The following SND1 variants were observed in gnomAD, a reference collection of about 807,000 sequenced individuals.
SND1 encodes the protein staphylococcal nuclease domain-containing protein 1.
In SND1, 38 loss-of-function variants were observed where a neutral mutation model predicts 121.7. The observed-to-expected ratio is 0.31, with a 90% CI of 0.24 to 0.41. SND1 has a LOEUF of 0.41. SND1 is among the 10% of genes least tolerant of loss of function. The pLI is 1.00. For synonymous variants in SND1, 401 were observed against 447.4 expected (o/e 0.90, Z 1.31); for missense variants, 868 against 1,184.6 (o/e 0.73, Z 3.92).
intron 16 of SND1, among the ~76,000 whole-genome samples, chr7:127,993,781 C>G (rs950549919): frequency 2.6e-5 from 4 of 152,208 alleles, no homozygotes; most frequent in African/African-American, 9.7e-5. Context: ...TACCATAAAT[C>G]TGCATTATCC....
intron 16 of SND1, among the ~76,000 whole-genome samples, chr7:128,067,919 C>G (rs937448804): frequency 6.6e-6 from 1 of 151,932 alleles, no homozygotes; most frequent in African/African-American, 2.4e-5. Context: ...TTTCTCTAGT[C>G]TCCATTTCTT....
chr7:128,035,840 G>T (rs1035145405), intron 16 of SND1, among the ~76,000 whole-genome samples: 1 of 152,118 alleles, frequency 6.6e-6, no homozygotes, highest in African/African-American at 2.4e-5. Context: ...CAGGATAATT[G>T]GGTTCCTTAG....
At chr7:127,712,692 C>T (rs543177745) in intron 9 of SND1, among the ~76,000 whole-genome samples, 2 of 152,330 alleles carry the variant, frequency 1.3e-5, no homozygotes, top group South Asian at 4.1e-4. Flanking sequence ...CATCCATCTG[C>T]TTTCCAGCTT....
Position 128,029,282 on chromosome 7 carries a change from G to T in SND1, c.1779+38226G>T. The stretch of plus-strand genomic sequence containing the variant: ...TGGTCTCCACTGTTACTGTGGTGAA[G>T]AAGCTGTAGTTGGAGGTGTTAAGCT... On this transcript the variant is annotated intron_variant, in intron 16 of 23. Transcript: ENST00000354725. This position sits in a 1 kb window ranked among gnomAD's most constrained non-coding sequence, Gnocchi z 4.2. The T allele has an allele frequency of 6.2e-7, 1 of 1,614,214 alleles. No homozygotes were observed. Among genetic ancestry groups the T allele is most frequent in the Non-Finnish European group, 8.5e-7 (1 of 1,180,050 alleles).
chr7:127,794,891 C>T (rs1312086650), intron 10 of SND1, among the ~76,000 whole-genome samples: 2 of 152,224 alleles, frequency 1.3e-5, no homozygotes, highest in Non-Finnish European at 2.9e-5. Context: ...AAAGTAGTGC[C>T]AGAAGGGCAT....
At position 128,092,208 on chromosome 7, in the gene SND1, G is replaced by A. The variant is rs1016159981; in HGVS notation, c.*150G>A. On this transcript the variant is annotated 3_prime_UTR_variant, in exon 24 of 24. Coordinates refer to ENST00000354725, the MANE Select transcript of SND1 (RefSeq NM_014390.4). The surrounding 1 kb of genome is among the most constrained non-coding windows in gnomAD (Gnocchi z 4.9). ...TGGAAATGTCTCGTGGGGTGGCATC[G>A]GGGCTGCGGGGTGGGGACCCCAAGG... is the stretch of plus-strand genomic sequence containing the variant. 7 of 808,570 alleles carry A rather than the reference G, an allele frequency of 8.7e-6. No homozygotes were observed. Among genetic ancestry groups the A allele is most frequent in the East Asian group, 5.3e-5 (2 of 37,540 alleles). The allele number at this position is 808,570 out of a possible 1,614,324, so 50.1% of individuals were successfully genotyped here.
rs779220705 is a variant in SND1, at chr7:127,807,476, A to G, written c.1153-8A>G. On this transcript the variant is annotated splice_region_variant and splice_polypyrimidine_tract_variant and intron_variant, in intron 10 of 23. Coordinates refer to ENST00000354725, the MANE Select transcript of SND1 (RefSeq NM_014390.4). ...CATTCCTGATGTCATGTTTTATTTT[A>G]CTTTTAGGATAAGAACAAGAAACTG... The G allele has an allele frequency of 1.6e-5, 25 of 1,606,574 alleles. No individual in the cohort carries two copies. The highest frequency in any genetic ancestry group is 3.3e-5 in the Admixed American group (2 of 59,954).
chr7:128,039,488 A>AT (rs910855495), intron 16 of SND1, among the ~76,000 whole-genome samples: 2,371 of 148,612 alleles, frequency 0.016, 57 homozygotes, highest in African/African-American at 0.051. Context: ...TACTAGCCTG[A>AT]TTTTTTTTTT....
At chr7:127,669,760 T>C (rs1224606842) in intron 1 of SND1, among the ~76,000 whole-genome samples, 1 of 152,186 alleles carries the variant, frequency 6.6e-6, no homozygotes, top group Non-Finnish European at 1.5e-5. Flanking sequence ...CTAAAAATAT[T>C]ACCCTGTTAC....
intron 16 of SND1, chr7:127,997,525 C>T (rs549375733): frequency 2.9e-6 from 1 of 340,738 alleles, no homozygotes; most frequent in Admixed American, 4.0e-5. Context: ...TTTTTGTGGG[C>T]CTTACTTTTC....
At position 128,074,659 on chromosome 7, in the gene SND1, C is replaced by T. The variant is rs1415737139; in HGVS notation, c.1937C>T (p.Ala646Val). Residue 646 changes from alanine to valine, a missense_variant, in exon 17 of 24, where the codon GCC becomes GTC. Transcript: ENST00000354725. ...RSSYYKSLLS[A>V]EEAAKQKKEK... ...TCCTACTACAAGTCCCTGCTGTCTGCCGAGGAGGCCGCAAAGCAGAAGAAA... is the reference window on the plus strand; with the variant it reads ...TCCTACTACAAGTCCCTGCTGTCTGTCGAGGAGGCCGCAAAGCAGAAGAAA... 6.2e-7 allele frequency: 1 copy of T among 1,613,140 alleles called. No individual in the cohort carries two copies. The highest frequency in any genetic ancestry group is 8.5e-7 in the Non-Finnish European group (1 of 1,179,708).
intron 12 of SND1, among the ~76,000 whole-genome samples, chr7:127,887,409 A>G (rs1318172176): frequency 2.6e-5 from 4 of 152,178 alleles, no homozygotes; most frequent in Non-Finnish European, 1.5e-5. Flanking sequence ...AGTTCTTATA[A>G]GAGAAACACT....
chr7:128,019,221 C>T (rs1803294499), intron 16 of SND1, among the ~76,000 whole-genome samples: 1 of 152,190 alleles, frequency 6.6e-6, no homozygotes. Context: ...ATTGCTAACC[C>T]GTAACCTCTC....
intron 12 of SND1, among the ~76,000 whole-genome samples, chr7:127,855,047 A>G (rs923647453): frequency 6.6e-6 from 1 of 151,300 alleles, no homozygotes; most frequent in Non-Finnish European, 1.5e-5. Flanking sequence ...TAAAATTTAG[A>G]AGCAGAAAAA....
At chr7:127,994,318 CACT>C (rs1802587751) in intron 16 of SND1, among the ~76,000 whole-genome samples, 1 of 152,084 alleles carries the variant, frequency 6.6e-6, no homozygotes, top group Middle Eastern at 3.4e-3. Context: ...TCTTTTACAC[CACT>C]GTTTTACATG....
chr7:127,791,313 T>A (rs1249239790), intron 10 of SND1, among the ~76,000 whole-genome samples: 1 of 151,898 alleles, frequency 6.6e-6, no homozygotes, highest in Non-Finnish European at 1.5e-5. Context: ...CACACCCAAC[T>A]AATTTCTGTT....
intron 15 of SND1, among the ~76,000 whole-genome samples, chr7:127,971,213 C>T (rs951606123): frequency 6.6e-6 from 1 of 152,080 alleles, no homozygotes; most frequent in Non-Finnish European, 1.5e-5. Flanking sequence ...GGGGTGGTCA[C>T]CAACCATTTT....
At chr7:127,757,698 A>G (rs1797222172) in intron 10 of SND1, among the ~76,000 whole-genome samples, 1 of 152,218 alleles carries the variant, frequency 6.6e-6, no homozygotes, top group Non-Finnish European at 1.5e-5. Flanking sequence ...TTCAGGTCTT[A>G]TAAAGATTTT....
chr7:128,091,346 GT>G (rs1241844050), intron 22 of SND1, among the ~76,000 whole-genome samples: 1 of 151,850 alleles, frequency 6.6e-6, no homozygotes, highest in Non-Finnish European at 1.5e-5. Flanking sequence ...AGCCTGCCAA[GT>G]ACTGAGACTA....
Sources: gnomAD v4.1 joint callset for allele counts (sites outside exome capture counted in the v4.1 genomes callset) on GRCh38, gnomAD v4.1.1 for gene constraint, Gnocchi (gnomAD v3.1) non-coding constraint, MANE v1.5 for transcripts, NCBI Gene and HGNC (gene_info 2026-07-23, HGNC 2026-07-21) for gene names.